Variants in ZNF385B observed in about 807,000 individuals in gnomAD.
ZNF385B encodes the protein zinc finger protein 385B.
In ZNF385B, 23 loss-of-function variants were observed where a neutral mutation model predicts 39.2. The observed-to-expected ratio is 0.59, with a 90% CI of 0.42 to 0.83. The LOEUF (loss-of-function observed/expected upper bound fraction) is 0.83. ZNF385B is among the 40% of genes least tolerant of loss of function. ZNF385B has a pLI of 0.00. For missense variants in ZNF385B, 552 were observed against 598.9 expected, an observed-to-expected ratio of 0.92 and a Z score of 0.82; for synonymous variants, 205 against 222.6, an observed-to-expected ratio of 0.92 and a Z score of 0.70.
At chr2:179,779,717 C>G (rs12465379) in intron 1 of ZNF385B, among the ~76,000 whole-genome samples, 20,422 of 152,050 alleles carry the variant, frequency 0.13, 1,847 homozygotes, top group East Asian at 0.49. Context: ...GGTGGATTAG[C>G]TGGGCCTGGG....
At chr2:179,464,820 TG>T (rs2051804106) in intron 6 of ZNF385B, among the ~76,000 whole-genome samples, 1 of 152,222 alleles carries the variant, frequency 6.6e-6, no homozygotes, top group Non-Finnish European at 1.5e-5. Context: ...AGGATTGTCT[TG>T]GCTATGTGGG....
intron 1 of ZNF385B, among the ~76,000 whole-genome samples, chr2:179,778,931 C>A (rs972712786): frequency 1.3e-5 from 2 of 152,138 alleles, no homozygotes; most frequent in African/African-American, 4.8e-5. Context: ...ACATAATAAT[C>A]ATTCATGTTT....
At chr2:179,701,208 C>T (rs377562730) in intron 3 of ZNF385B, among the ~76,000 whole-genome samples, 15 of 152,286 alleles carry the variant, frequency 9.8e-5, no homozygotes, top group African/African-American at 3.4e-4. Context: ...ATCCTCCCCA[C>T]CTGGCTTCTG....
chr2:179,695,566 A>T (rs900364162), intron 3 of ZNF385B, among the ~76,000 whole-genome samples: 13 of 152,208 alleles, frequency 8.5e-5, no homozygotes, highest in Non-Finnish European at 1.6e-4. Context: ...CCCAAGGAAG[A>T]TATATAAAAG....
At chr2:179,628,689 T>C (rs188920836) in intron 3 of ZNF385B, among the ~76,000 whole-genome samples, 1 of 152,226 alleles carries the variant, frequency 6.6e-6, no homozygotes, top group Non-Finnish European at 1.5e-5. Flanking sequence ...CAGTAATTGA[T>C]GATCATTTCC....
intron 1 of ZNF385B, among the ~76,000 whole-genome samples, chr2:179,787,108 A>T (rs150304218): frequency 8.5e-5 from 13 of 152,176 alleles, no homozygotes; most frequent in African/African-American, 3.1e-4. Flanking sequence ...TTTCATTATT[A>T]TGATGGATTT....
At chr2:179,567,342 A>C (rs554130423) in intron 3 of ZNF385B, among the ~76,000 whole-genome samples, 1 of 152,166 alleles carries the variant, frequency 6.6e-6, no homozygotes, top group African/African-American at 2.4e-5. Context: ...GGGGGGAAAA[A>C]CAAACAAACA....
At chr2:179,558,570 A>T (rs1574792904) in intron 3 of ZNF385B, among the ~76,000 whole-genome samples, 1 of 152,200 alleles carries the variant, frequency 6.6e-6, no homozygotes, top group East Asian at 1.9e-4. Context: ...TAGCTATTCA[A>T]AAGTAGGTGC....
chr2:179,761,027 C>T (rs1048954939), intron 3 of ZNF385B, among the ~76,000 whole-genome samples: 3 of 151,992 alleles, frequency 2.0e-5, no homozygotes, highest in Non-Finnish European at 4.4e-5. Context: ...TGCTTTTGTA[C>T]CTTTATCAAA....
In ZNF385B at chr2:179,540,781, G is replaced by A. The variant is rs111274222; in HGVS notation, c.441+4046C>T. Among the ~76,000 whole-genome samples, 10 of 142,956 alleles carry A rather than the reference G, an allele frequency of 7.0e-5. 1 individual carries two copies. The highest frequency in any genetic ancestry group is 2.7e-4 in the African/African-American group (10 of 37,180). The allele number at this position is 142,956 out of a possible 152,430, so 93.8% of individuals were successfully genotyped here. Reference sequence around the variant, plus strand: ...TTAACAGGTAATTAAACTATGGTGTGACAACTGCTATAATTAATGTAATCT... The same window carrying A: ...TTAACAGGTAATTAAACTATGGTGTAACAACTGCTATAATTAATGTAATCT... On this transcript the variant is annotated intron_variant, in intron 4 of 9. Transcript: ENST00000410066.
At chr2:179,852,482 C>A (rs927094757) in intron 1 of ZNF385B, among the ~76,000 whole-genome samples, 1 of 152,162 alleles carries the variant, frequency 6.6e-6, no homozygotes, top group Non-Finnish European at 1.5e-5. Context: ...CCTACCACCT[C>A]TTTTAGATTT....
intron 3 of ZNF385B, among the ~76,000 whole-genome samples, chr2:179,612,732 C>G (rs77462669): frequency 6.6e-6 from 1 of 152,040 alleles, no homozygotes; most frequent in Non-Finnish European, 1.5e-5. Context: ...CTGGCTATCA[C>G]CTATGTTTGC....
intron 3 of ZNF385B, chr2:179,576,253 G>T: frequency 1.1e-6 from 1 of 876,446 alleles, no homozygotes; most frequent in Non-Finnish European, 1.4e-6. Flanking sequence ...CCATGCCGCT[G>T]CCAGATCAAC....
chr2:179,675,493 C>T (rs1277317434), intron 3 of ZNF385B, among the ~76,000 whole-genome samples: 2 of 152,170 alleles, frequency 1.3e-5, no homozygotes, highest in African/African-American at 4.8e-5. Flanking sequence ...ATCCAATTGA[C>T]CTAGAATTAC....
chr2:179,468,986 T>A (rs561693630), intron 6 of ZNF385B, among the ~76,000 whole-genome samples: 159 of 152,354 alleles, frequency 1.0e-3, no homozygotes, highest in African/African-American at 3.6e-3. Context: ...AAAAAAATTC[T>A]AATGTATTTA....
chr2:179,781,507 T>C (rs775904736), intron 1 of ZNF385B, among the ~76,000 whole-genome samples: 9 of 152,108 alleles, frequency 5.9e-5, no homozygotes, highest in African/African-American at 9.7e-5. Flanking sequence ...TCCAGAAGGA[T>C]TGCAAATCTA....
chr2:179,657,055 T>G lies in ZNF385B; in HGVS notation c.299-112086A>C, dbSNP rs114844755. 5.2e-3 allele frequency among the ~76,000 whole-genome samples: 784 copies of G among 152,220 alleles called. 4 individuals are homozygous for G. Among genetic ancestry groups the G allele is most frequent in the African/African-American group, 0.017 (723 of 41,538 alleles). ...AAAATAGAAGCTCAGAAAGCCAGTT[T>G]GATAAGGGAAAGGAGAAGAATGGGA... On this transcript the variant is annotated intron_variant, in intron 3 of 9. Coordinates refer to ENST00000410066, the MANE Select transcript of ZNF385B (RefSeq NM_152520.6).
At chr2:179,774,182 T>C (rs1385316079) in intron 1 of ZNF385B, among the ~76,000 whole-genome samples, 3 of 151,328 alleles carry the variant, frequency 2.0e-5, no homozygotes, top group Non-Finnish European at 1.5e-5. Flanking sequence ...GGGTATGTAG[T>C]ATATGTAGTG....
intron 1 of ZNF385B, among the ~76,000 whole-genome samples, chr2:179,777,775 T>G (rs930726421): frequency 2.0e-5 from 3 of 151,698 alleles, no homozygotes; most frequent in Non-Finnish European, 2.9e-5. Flanking sequence ...AGAGGTTTTT[T>G]TTTTTTTTTC....
Sources: gnomAD v4.1 joint callset for allele counts (sites outside exome capture counted in the v4.1 genomes callset) on GRCh38, gnomAD v4.1.1 for gene constraint, MANE v1.5 for transcripts, NCBI Gene and HGNC (gene_info 2026-07-23, HGNC 2026-07-21) for gene names.